SPMIP2: variants seen among roughly 807,000 people sequenced by gnomAD.
SPMIP2 encodes sperm microtubule inner protein 2.
the SPMIP2 span, among the ~76,000 whole-genome samples, chr4:158,923,270 A>G: frequency 6.6e-6 from 1 of 152,206 alleles, no homozygotes; most frequent in African/African-American, 2.4e-5. Context: ...TTTAGGATAC[A>G]CTTGTCAATT....
the SPMIP2 span, among the ~76,000 whole-genome samples, chr4:159,071,977 A>G: frequency 1.3e-5 from 2 of 152,196 alleles, no homozygotes; most frequent in Non-Finnish European, 2.9e-5. Flanking sequence ...TTTTTCTTCT[A>G]AGTTCCAAAT....
the SPMIP2 span, among the ~76,000 whole-genome samples, chr4:158,942,852 A>G: frequency 6.6e-6 from 1 of 152,236 alleles, no homozygotes; most frequent in South Asian, 2.1e-4. Flanking sequence ...AATTTCTATC[A>G]CTGCATCCTA....
the SPMIP2 span, among the ~76,000 whole-genome samples, chr4:158,923,004 C>T: frequency 6.6e-6 from 1 of 152,152 alleles, no homozygotes; most frequent in Admixed American, 6.5e-5. Context: ...ATCCCAGCAC[C>T]ATTGTCAAAA....
At chr4:158,915,314 G>A in the SPMIP2 span, 246 of 1,613,284 alleles carry the variant, frequency 1.5e-4, no homozygotes, top group Non-Finnish European at 8.8e-5. Flanking sequence ...CAAAAGAAGC[G>A]CGACTCTGTT....
chr4:158,987,171 T>G, the SPMIP2 span, among the ~76,000 whole-genome samples: 2 of 142,484 alleles, frequency 1.4e-5, no homozygotes, highest in African/African-American at 2.6e-5. Context: ...GGAACACTTT[T>G]ACACTGTTGG....
chr4:159,032,440 T>C, the SPMIP2 span, among the ~76,000 whole-genome samples: 1 of 152,134 alleles, frequency 6.6e-6, no homozygotes. Context: ...AATTATAAAA[T>C]ACAGGAGGCT....
chr4:158,914,149 T>G, the SPMIP2 span, among the ~76,000 whole-genome samples: 1 of 152,104 alleles, frequency 6.6e-6, no homozygotes, highest in Non-Finnish European at 1.5e-5. Flanking sequence ...TGACACAAAA[T>G]TAGTTCAGTG....
At chr4:158,942,684 C>T in the SPMIP2 span, among the ~76,000 whole-genome samples, 3 of 151,934 alleles carry the variant, frequency 2.0e-5, no homozygotes, top group East Asian at 1.9e-4. Context: ...AGCTGAGGCA[C>T]GAGAGTCACT....
the SPMIP2 span, among the ~76,000 whole-genome samples, chr4:158,976,958 C>A: frequency 6.6e-3 from 1,009 of 152,020 alleles, 11 homozygotes; most frequent in African/African-American, 0.022. Flanking sequence ...CCGCACCTAG[C>A]CAGATAAGCT....
At chr4:159,040,007 A>C in the SPMIP2 span, among the ~76,000 whole-genome samples, 1 of 152,224 alleles carries the variant, frequency 6.6e-6, no homozygotes, top group Non-Finnish European at 1.5e-5. Context: ...AATGTACTAC[A>C]ATTACATAAT....
At chr4:158,953,096 T>C in the SPMIP2 span, among the ~76,000 whole-genome samples, 5 of 152,206 alleles carry the variant, frequency 3.3e-5, no homozygotes, top group Non-Finnish European at 7.4e-5. Flanking sequence ...GAAATTTGCA[T>C]AAGTAATGAG....
chr4:159,001,369 T>A, the SPMIP2 span, among the ~76,000 whole-genome samples: 1 of 152,210 alleles, frequency 6.6e-6, no homozygotes, highest in East Asian at 1.9e-4. Flanking sequence ...AAAAAACTTT[T>A]ATTTTAGGTT....
chr4:159,026,519 T>G, the SPMIP2 span: 20 of 611,642 alleles, frequency 3.3e-5, no homozygotes, highest in Middle Eastern at 4.7e-4. Flanking sequence ...TATAAAAAAG[T>G]AGAATAAAAA....
At chr4:159,039,972 A>C in the SPMIP2 span, among the ~76,000 whole-genome samples, 1 of 152,368 alleles carries the variant, frequency 6.6e-6, no homozygotes, top group South Asian at 2.1e-4. Context: ...TAGCAGAGAT[A>C]TATCTCTAGA....
the SPMIP2 span, chr4:158,904,361 C>A: frequency 2.0e-6 from 2 of 996,034 alleles, no homozygotes; most frequent in Non-Finnish European, 3.0e-6. Context: ...GATAATCTAT[C>A]AAACTTAGTA....
the SPMIP2 span, among the ~76,000 whole-genome samples, chr4:158,962,789 A>C: frequency 6.6e-6 from 1 of 152,198 alleles, no homozygotes; most frequent in Non-Finnish European, 1.5e-5. Flanking sequence ...TCAGAGCATG[A>C]GTAGAAACAA....
chr4:158,893,732 A>G, the SPMIP2 span: 1 of 1,556,418 alleles, frequency 6.4e-7, no homozygotes, highest in Non-Finnish European at 8.8e-7. Context: ...AAGAGAAGTA[A>G]TGTATATTAG....
the SPMIP2 span, among the ~76,000 whole-genome samples, chr4:159,058,226 T>C: frequency 6.6e-6 from 1 of 152,022 alleles, no homozygotes; most frequent in African/African-American, 2.4e-5. Context: ...ACGGTTGTTT[T>C]GAACATTTTT....
chr4:159,027,635 T>A, the SPMIP2 span, among the ~76,000 whole-genome samples: 1 of 152,210 alleles, frequency 6.6e-6, no homozygotes, highest in Non-Finnish European at 1.5e-5. Context: ...GCATTTGCAG[T>A]AGGACTATTT....
Sources: allele counts gnomAD v4.1 joint callset (sites outside exome capture counted in the v4.1 genomes callset), GRCh38; gene constraint gnomAD v4.1.1; transcripts MANE v1.5; gene names NCBI Gene and HGNC (gene_info 2026-07-23, HGNC 2026-07-21).